Variants in DLG2 observed in about 807,000 individuals in gnomAD.
The protein encoded by DLG2 is discs large MAGUK scaffold protein 2.
In DLG2, 45 loss-of-function variants were observed where a neutral mutation model predicts 132.5. That is an observed-to-expected ratio of 0.34 (90% confidence interval 0.27 to 0.44). The LOEUF (loss-of-function observed/expected upper bound fraction) is 0.44, where lower values mean the gene tolerates loss of function less well. DLG2 is among the 20% of genes least tolerant of loss of function. The pLI, the probability that DLG2 is intolerant of heterozygous loss-of-function variation, is 1.00. For synonymous variants in DLG2, 424 were observed against 419.6 expected (o/e 1.01, Z -0.13); for missense variants, 1,045 against 1,196.9 (o/e 0.87, Z 1.87).
intron 7 of DLG2, among the ~76,000 whole-genome samples, chr11:84,358,568 G>C (rs1567394084): frequency 6.6e-6 from 1 of 151,434 alleles, no homozygotes; most frequent in Non-Finnish European, 1.5e-5. Context: ...CTTCTCTCTA[G>C]GTTATTTGGA....
chr11:84,603,143 G>A (rs894594738), intron 6 of DLG2, among the ~76,000 whole-genome samples: 1 of 151,842 alleles, frequency 6.6e-6, no homozygotes, highest in African/African-American at 2.4e-5. Flanking sequence ...TCTGTTCATG[G>A]TTCTCCTAGA....
chr11:84,625,015 T>C (rs942605864), intron 6 of DLG2, among the ~76,000 whole-genome samples: 2 of 149,452 alleles, frequency 1.3e-5, no homozygotes, highest in Admixed American at 6.6e-5. Flanking sequence ...CGCCCGCCAC[T>C]ACGCCCGGCT....
At chr11:84,392,158 T>C (rs181278751) in intron 7 of DLG2, among the ~76,000 whole-genome samples, 1 of 152,308 alleles carries the variant, frequency 6.6e-6, no homozygotes, top group Non-Finnish European at 1.5e-5. Context: ...AAATGAGACC[T>C]GGATCTCCTG....
intron 2 of DLG2, among the ~76,000 whole-genome samples, chr11:85,606,139 T>C (rs1042900376): frequency 6.6e-6 from 1 of 152,216 alleles, no homozygotes; most frequent in Admixed American, 6.5e-5. Flanking sequence ...GACCATTTTT[T>C]AGATTTAGAA....
At chr11:84,248,388 C>A (rs137997178) in intron 8 of DLG2, among the ~76,000 whole-genome samples, 1 of 151,866 alleles carries the variant, frequency 6.6e-6, no homozygotes, top group South Asian at 2.1e-4. Flanking sequence ...ATCTCTGAGG[C>A]AGGTATTATA....
intron 6 of DLG2, among the ~76,000 whole-genome samples, chr11:84,854,876 T>C (rs1381623460): frequency 1.3e-5 from 2 of 152,036 alleles, no homozygotes; most frequent in East Asian, 1.9e-4. Context: ...TTCTATTATA[T>C]ATTGGTGCAA....
intron 17 of DLG2, among the ~76,000 whole-genome samples, chr11:83,810,001 C>CA (rs1416018769): frequency 6.6e-6 from 1 of 152,078 alleles, no homozygotes; most frequent in African/African-American, 2.4e-5. Context: ...GGAGACTAAG[C>CA]AAATAACTAT....
chr11:84,316,855 G>A (rs2098362687), intron 7 of DLG2: 3 of 1,612,696 alleles, frequency 1.9e-6, no homozygotes, highest in Non-Finnish European at 1.7e-6. Flanking sequence ...CATGTGGGCA[G>A]GTACAATGCT....
chr11:84,121,706 T>C (rs1007380850), intron 9 of DLG2, among the ~76,000 whole-genome samples: 6 of 150,048 alleles, frequency 4.0e-5, no homozygotes, highest in Non-Finnish European at 7.4e-5. Context: ...GGACTACAGG[T>C]GCCCACCACC....
intron 8 of DLG2, among the ~76,000 whole-genome samples, chr11:84,250,915 A>G (rs2097363791): frequency 6.6e-6 from 1 of 152,206 alleles, no homozygotes; most frequent in Non-Finnish European, 1.5e-5. Flanking sequence ...TCCTTTTATA[A>G]GAAACCCAAA....
intron 3 of DLG2, among the ~76,000 whole-genome samples, chr11:85,529,487 G>A (rs2075036357): frequency 6.6e-6 from 1 of 151,732 alleles, no homozygotes; most frequent in Admixed American, 6.6e-5. Flanking sequence ...AAAGTCCTAT[G>A]GCATCTAGTA....
At chr11:84,109,365 T>C (rs962677323) in intron 9 of DLG2, among the ~76,000 whole-genome samples, 1 of 152,212 alleles carries the variant, frequency 6.6e-6, no homozygotes, top group African/African-American at 2.4e-5. Flanking sequence ...CTAGGTTATC[T>C]GAGTAAGGAG....
chr11:85,438,057 G>A (rs1375420348), intron 3 of DLG2, among the ~76,000 whole-genome samples: 1 of 152,194 alleles, frequency 6.6e-6, no homozygotes, highest in Non-Finnish European at 1.5e-5. Context: ...GCTTCAGAGA[G>A]CTTCTACTCA....
chr11:85,474,116 G>T (rs1319359661), intron 3 of DLG2, among the ~76,000 whole-genome samples: 1 of 151,952 alleles, frequency 6.6e-6, no homozygotes, highest in East Asian at 1.9e-4. Context: ...CAGTAAAAGT[G>T]TGAAAATGAT....
intron 5 of DLG2, among the ~76,000 whole-genome samples, chr11:85,139,014 T>C (rs189015509): frequency 5.7e-4 from 87 of 152,212 alleles, no homozygotes; most frequent in African/African-American, 2.1e-3. Flanking sequence ...GATTTGCACA[T>C]GGCTGGCTCC....
chr11:85,479,393 C>T (rs2093230308), intron 3 of DLG2, among the ~76,000 whole-genome samples: 1 of 152,218 alleles, frequency 6.6e-6, no homozygotes, highest in Non-Finnish European at 1.5e-5. Context: ...AAATCTCATT[C>T]ATGAGGGTTC....
chr11:85,143,121 G>T (rs1190262257), intron 5 of DLG2, among the ~76,000 whole-genome samples: 1 of 151,586 alleles, frequency 6.6e-6, no homozygotes, highest in Non-Finnish European at 1.5e-5. Context: ...AGTTTGAGTA[G>T]GATTGGTATT....
chr11:83,523,522 A>G (rs1387954337), intron 21 of DLG2, among the ~76,000 whole-genome samples: 1 of 152,190 alleles, frequency 6.6e-6, no homozygotes, highest in Non-Finnish European at 1.5e-5. Flanking sequence ...TCTGCCACTT[A>G]CTAGCTGTAG....
At chr11:83,751,241 T>G (rs1294868898) in intron 18 of DLG2, among the ~76,000 whole-genome samples, 3 of 152,182 alleles carry the variant, frequency 2.0e-5, no homozygotes, top group Non-Finnish European at 4.4e-5. Context: ...GCTGGAAGTG[T>G]GCCCAGTGTG....
Sources: gnomAD v4.1 joint callset for allele counts (sites outside exome capture counted in the v4.1 genomes callset) on GRCh38, gnomAD v4.1.1 for gene constraint, MANE v1.5 for transcripts, NCBI Gene and HGNC (gene_info 2026-07-23, HGNC 2026-07-21) for gene names.